Variants in CGB7 observed in about 807,000 individuals in gnomAD.
The protein encoded by CGB7 is choriogonadotropin subunit beta 7.
A neutral mutation model predicts 7.3 loss-of-function variants in CGB7; 6 were observed. The observed-to-expected ratio is 0.82, with a 90% CI of 0.45 to 1.62. CGB7 has a LOEUF of 1.62. Among genes scored for constraint, CGB7 ranks in the 40% most tolerant of loss-of-function variants. The pLI is 0.01. For missense variants in CGB7, 114 were observed against 236.2 expected (o/e 0.48, Z 3.39); for synonymous variants, 47 against 100.8 (o/e 0.47, Z 3.20).
intron 2 of CGB7, among the ~76,000 whole-genome samples, chr19:49,056,915 T>C (rs994019633): frequency 6.6e-6 from 1 of 152,116 alleles, no homozygotes; most frequent in Non-Finnish European, 1.5e-5. Flanking sequence ...AGGCTTCCTG[T>C]CCCTACCGCG....
rs185485728 is a variant in CGB7, at chr19:49,056,287, A to T, written c.-912T>A. ...GGCAGGCTCCCACTAGCCCCGGCTT[A>T]CAGCGGCCTGAGCGGGAGTTCTCGG... On this transcript the variant is annotated 5_prime_UTR_variant, in exon 3 of 5. It introduces an in-frame stop codon into an upstream open reading frame of the 5' UTR. Coordinates refer to ENST00000684222, the MANE Select transcript of CGB7 (RefSeq NM_001385261.1). The T allele has an allele frequency of 7.7e-7, 1 of 1,291,778 alleles. No homozygotes were observed. The highest frequency in any genetic ancestry group is 5.5e-5 in the East Asian group (1 of 18,158). The allele number at this position is 1,291,778 out of a possible 1,614,324, so 80.0% of individuals were successfully genotyped here.
rs1291505974 is a variant in CGB7 at position 49,056,285 on chromosome 19, T to A, written c.-910A>T. On this transcript the variant is annotated 5_prime_UTR_variant, in exon 3 of 5. The change creates a new upstream start codon in the 5' untranslated region. Transcript: ENST00000684222. The stretch of plus-strand genomic sequence containing the variant: ...CCGGCAGGCTCCCACTAGCCCCGGC[T>A]TACAGCGGCCTGAGCGGGAGTTCTC... The A allele has an allele frequency of 3.1e-6, 4 of 1,291,392 alleles. No homozygotes were observed. The South Asian group carries it at 4.9e-5, about 16-fold the overall frequency. 80.0% of individuals were successfully genotyped at this position (1,291,392 alleles called of 1,614,324 possible).
chr19:49,057,319 G>A (rs1216403846), intron 1 of CGB7, 71 bp from the exon 2 acceptor site: 14 of 1,475,824 alleles, frequency 9.5e-6, no homozygotes, highest in Non-Finnish European at 1.2e-5. Context: ...CCTGGGTCCC[G>A]AGTTCAGAAT....
In CGB7 at chr19:49,054,954, T is replaced by G. The variant is rs62127883; in HGVS notation, c.70A>C (p.Met24Leu). Residue 24 changes from methionine to leucine, a missense_variant, in exon 4 of 5, where the codon ATG becomes CTG. Met to Leu is a conservative substitution (Grantham distance 15). Transcript: ENST00000684222. The part of the protein sequence containing the change: ...SMGGTWASRE[M>L]LRPRCRPINA... ...ATGGGGCGGCACCGTGGCCGAAGCA[T>G]CTCCCTGGATGCCCATGTCCCGCCC... 171,563 of 1,414,216 alleles carry G rather than the reference T, an allele frequency of 0.12. 43,721 individuals carry two copies. The highest frequency in any genetic ancestry group is 0.22 in the South Asian group (16,880 of 75,028). The allele number at this position is 1,414,216 out of a possible 1,614,324, so 87.6% of individuals were successfully genotyped here. A position where few individuals can be genotyped will look rare whatever the true frequency, so the allele number is the denominator to read the frequency against.
chr19:49,056,413 CG>C lies in CGB7; in HGVS notation c.-1039del. The C allele has an allele frequency of 7.7e-7, 1 of 1,296,392 alleles. No individual in the cohort carries two copies. The highest frequency in any genetic ancestry group is 1.5e-5 in the African/African-American group (1 of 66,098). 80.3% of individuals were successfully genotyped at this position (1,296,392 alleles called of 1,614,324 possible). A position where few individuals can be genotyped will look rare whatever the true frequency, so the allele number is the denominator to read the frequency against. ...GGCGGAAGCGGTCGAGCCGGCGGAG[CG>C]GGTGCGGCGAGGAGCTGTAGGTTTC... On this transcript the variant is annotated 5_prime_UTR_variant, in exon 3 of 5. The change creates a premature stop within an existing upstream ORF in the 5' untranslated region. Transcript: ENST00000684222.
Position 49,055,794 on chromosome 19 carries a change from A to C in CGB7, c.-419T>G, listed in dbSNP as rs143498623. The C allele has an allele frequency of 6.5e-3, 7,114 of 1,101,686 alleles. 222 individuals carry two copies. The African/African-American group carries it at 0.068, about 11-fold the overall frequency. The allele number at this position is 1,101,686 out of a possible 1,614,324, so 68.2% of individuals were successfully genotyped here. On this transcript the variant is annotated 5_prime_UTR_variant, in exon 3 of 5. Transcript: ENST00000684222. ...CCATTCCTGCACCACAGTCCAACCT[A>C]ACAGGAGGGGCGCGGCTTCGGACTT...
Position 49,056,337 on chromosome 19 carries a change from G to T in CGB7, c.-962C>A. 1 of 1,295,016 alleles carries T rather than the reference G, an allele frequency of 7.7e-7. No individual in the cohort carries two copies. Among genetic ancestry groups the T allele is most frequent in the Non-Finnish European group, 1.0e-6 (1 of 992,096 alleles). 80.2% of individuals were successfully genotyped at this position (1,295,016 alleles called of 1,614,324 possible). On this transcript the variant is annotated 5_prime_UTR_variant, in exon 3 of 5. Transcript: ENST00000684222. ...GTGCTGTAGGCTTTCGGGACGCTGT[G>T]TATGCCCGGCAGGGGCTTCCAGTGG...
In CGB7 at chr19:49,055,725, C is replaced by G. The variant is rs2040051817; in HGVS notation, c.-350G>C. ...TGGGAACCAGGAGGAGGCCGTGACC[C>G]GAGAAAGGTGCTGGACTGAAGCCTC... On this transcript the variant is annotated 5_prime_UTR_variant, in exon 3 of 5. Coordinates refer to ENST00000684222, the MANE Select transcript of CGB7 (RefSeq NM_001385261.1). 16 of 1,259,292 alleles carry G rather than the reference C, an allele frequency of 1.3e-5. No homozygotes were observed. The highest frequency in any genetic ancestry group is 3.0e-5 in the African/African-American group (2 of 66,022). 78.0% of individuals were successfully genotyped at this position (1,259,292 alleles called of 1,614,324 possible). A position where few individuals can be genotyped will look rare whatever the true frequency, so the allele number is the denominator to read the frequency against.
chr19:49,056,239 C>A lies in CGB7; in HGVS notation c.-864G>T. The A allele has an allele frequency of 7.0e-6, 9 of 1,288,488 alleles. No homozygotes were observed. The highest frequency in any genetic ancestry group is 9.1e-6 in the Non-Finnish European group (9 of 988,296). The allele number at this position is 1,288,488 out of a possible 1,614,324, so 79.8% of individuals were successfully genotyped here. A position where few individuals can be genotyped will look rare whatever the true frequency, so the allele number is the denominator to read the frequency against. Reference sequence around the variant, plus strand: ...TCTGCTCCGCCCCCACGCCAGGGGGCGTGTCTGGGGTGGGGCTGGCCCGGC... The same window carrying A: ...TCTGCTCCGCCCCCACGCCAGGGGGAGTGTCTGGGGTGGGGCTGGCCCGGC... On this transcript the variant is annotated 5_prime_UTR_variant, in exon 3 of 5. Coordinates refer to ENST00000684222, the MANE Select transcript of CGB7 (RefSeq NM_001385261.1).
rs1015740227 is a variant in CGB7, at chr19:49,055,513, G to A, written c.-138C>T. The A allele has an allele frequency of 1.3e-5, 21 of 1,591,790 alleles. No individual in the cohort carries two copies. The highest frequency in any genetic ancestry group is 1.6e-5 in the Non-Finnish European group (19 of 1,167,648). ...GGGGGCGAGAAGTAGACAAGGCCAG[G>A]GAGGCACAGGAGTGGCTCAGCGGAG... On this transcript the variant is annotated 5_prime_UTR_variant, in exon 3 of 5. Coordinates refer to ENST00000684222, the MANE Select transcript of CGB7 (RefSeq NM_001385261.1).
chr19:49,055,423 T>G lies in CGB7; in HGVS notation c.-48A>C. The G allele has an allele frequency of 6.2e-7, 1 of 1,605,884 alleles. No individual in the cohort carries two copies. Among genetic ancestry groups the G allele is most frequent in the Non-Finnish European group, 8.5e-7 (1 of 1,175,592 alleles). On this transcript the variant is annotated 5_prime_UTR_variant, in exon 3 of 5. Coordinates refer to ENST00000684222, the MANE Select transcript of CGB7 (RefSeq NM_001385261.1). Reference sequence around the variant, plus strand: ...TGTACCTGGCTTTATACCTCGGGTTTGTGGGGGCGTCAAGGCCACCAGGAG... The same window carrying G: ...TGTACCTGGCTTTATACCTCGGGTTGGTGGGGGCGTCAAGGCCACCAGGAG...
At chr19:49,057,027 C>G (rs1002492591) in intron 2 of CGB7, 94 bp downstream of exon 2, 1 of 1,328,942 alleles carries the variant, frequency 7.5e-7, no homozygotes, top group South Asian at 1.3e-5. Context: ...CTGAGACCAC[C>G]GGTCAGGGAA....
Position 49,057,239 on chromosome 19 carries a change from C to G in CGB7, c.-1339G>C, listed in dbSNP as rs1297387300. The G allele has an allele frequency of 6.5e-7, 1 of 1,533,184 alleles. No homozygotes were observed. 95.0% of individuals were successfully genotyped at this position (1,533,184 alleles called of 1,614,324 possible). A position where few individuals can be genotyped will look rare whatever the true frequency, so the allele number is the denominator to read the frequency against. ...GACAGCGCGGGGTTCTTCGTGCAGG[C>G]GATTAGAGCCTGAGCAAGATTGGGG... On this transcript the variant is annotated 5_prime_UTR_variant, in exon 2 of 5. Transcript: ENST00000684222.
chr19:49,057,357 A>ACGGCCACGG, intron 1 of CGB7, 105 bp downstream of exon 1: 1 of 1,434,644 alleles, frequency 7.0e-7, no homozygotes, highest in South Asian at 1.4e-5. Context: ...GACAGCCATG[A>ACGGCCACGG]CGGCCACGGC....
chr19:49,057,358 C>A, intron 1 of CGB7, 104 bp downstream of exon 1: 1 of 1,433,772 alleles, frequency 7.0e-7, no homozygotes, highest in Non-Finnish European at 9.2e-7. Context: ...ACAGCCATGA[C>A]GGCCACGGCC....
At position 49,055,044 on chromosome 19, in the gene CGB7, C is replaced by A. The variant is rs377614925; in HGVS notation, c.16-36G>T. ...GACACTGCTTCACCCGGGCCTGAGA[C>A]CACAGCCCTGAGCCCTGGCCTTCCC... is the stretch of plus-strand genomic sequence containing the variant. On this transcript the variant is annotated intron_variant, in intron 3 of 4. Coordinates refer to ENST00000684222, the MANE Select transcript of CGB7 (RefSeq NM_001385261.1). 2.5e-6 allele frequency: 4 copies of A among 1,601,114 alleles called. No individual in the cohort carries two copies. In the African/African-American group the frequency reaches 5.4e-5, roughly 21 times the overall value.
intron 3 of CGB7, 135 bp from the exon 4 acceptor site, chr19:49,055,143 G>A (rs1363515941): frequency 3.2e-6 from 5 of 1,554,092 alleles, no homozygotes; most frequent in Non-Finnish European, 4.3e-6. Flanking sequence ...CCACCACCCG[G>A]ACACCTGCCT....
chr19:49,055,637 G>C lies in CGB7; in HGVS notation c.-262C>G. 1.4e-6 allele frequency: 2 copies of C among 1,410,434 alleles called. No individual in the cohort carries two copies. The highest frequency in any genetic ancestry group is 1.8e-6 in the Non-Finnish European group (2 of 1,081,870). 87.4% of individuals were successfully genotyped at this position (1,410,434 alleles called of 1,614,324 possible). ...CTCAGTCGTCGAGTGCTAGGGACTA[G>C]TCGAGGCTGGAGGCACAGAGAGTAG... On this transcript the variant is annotated 5_prime_UTR_variant, in exon 3 of 5. Transcript: ENST00000684222.
chr19:49,055,657 G>A lies in CGB7; in HGVS notation c.-282C>T. 1 of 1,387,964 alleles carries A rather than the reference G, an allele frequency of 7.2e-7. No individual in the cohort carries two copies. The highest frequency in any genetic ancestry group is 9.4e-7 in the Non-Finnish European group (1 of 1,069,286). 86.0% of individuals were successfully genotyped at this position (1,387,964 alleles called of 1,614,324 possible). ...GACTAGTCGAGGCTGGAGGCACAGA[G>A]AGTAGGGTGTAGGAAGGCCTGCCTC... On this transcript the variant is annotated 5_prime_UTR_variant, in exon 3 of 5. Transcript: ENST00000684222.
Sources: gnomAD v4.1 joint callset for allele counts (sites outside exome capture counted in the v4.1 genomes callset) on GRCh38, gnomAD v4.1.1 for gene constraint, MANE v1.5 for transcripts, NCBI Gene and HGNC (gene_info 2026-07-23, HGNC 2026-07-21) for gene names.